Variants in CCSER1 observed in about 807,000 individuals in gnomAD.
CCSER1 encodes serine-rich coiled-coil domain-containing protein 1.
A neutral mutation model predicts 82.0 loss-of-function variants in CCSER1; 41 were observed. The ratio of observed to expected loss-of-function variants is 0.50; its 90% CI spans 0.39 to 0.65. The LOEUF is 0.65. CCSER1 is among the 30% of genes least tolerant of loss of function. The pLI is 0.00. For synonymous variants in CCSER1, 414 were observed against 383.9 expected (o/e 1.08, Z -0.92); for missense variants, 1,119 against 1,064.2 (o/e 1.05, Z -0.72).
intron 8 of CCSER1, among the ~76,000 whole-genome samples, chr4:90,855,608 A>T (rs1764373344): frequency 6.6e-6 from 1 of 152,152 alleles, no homozygotes; most frequent in Non-Finnish European, 1.5e-5. Context: ...ATTTACTTAA[A>T]ATTATTTTTT....
intron 1 of CCSER1, among the ~76,000 whole-genome samples, chr4:90,170,346 T>C (rs540425656): frequency 4.4e-4 from 67 of 151,924 alleles, no homozygotes; most frequent in Non-Finnish European, 8.1e-4. Context: ...CTGTTTTTGT[T>C]AAAGGAACCT....
In CCSER1 at chr4:90,535,160, T is replaced by A. The variant is rs140889663; in HGVS notation, c.1724+66806T>A. 5.8e-3 allele frequency among the ~76,000 whole-genome samples: 889 copies of A among 152,254 alleles called. 10 individuals are homozygous for A. The highest frequency in any genetic ancestry group is 0.021 in the African/African-American group (855 of 41,560). On this transcript the variant is annotated intron_variant, in intron 5 of 10. Coordinates refer to ENST00000509176, the MANE Select transcript of CCSER1 (RefSeq NM_001145065.2). ...TTTTAAATACATTATTAATATATTT[T>A]AAAAATAGATATCTAGAACCTATTA...
At chr4:90,236,849 G>A (rs1216164037) in intron 1 of CCSER1, among the ~76,000 whole-genome samples, 3 of 151,998 alleles carry the variant, frequency 2.0e-5, no homozygotes, top group East Asian at 3.8e-4. Context: ...TACTGTGTGT[G>A]TATATGTGTA....
chr4:91,529,402 G>A (rs751158424), intron 10 of CCSER1, among the ~76,000 whole-genome samples: 2 of 152,034 alleles, frequency 1.3e-5, no homozygotes, highest in African/African-American at 2.4e-5. Flanking sequence ...TAAGTTATCA[G>A]TTGTTTTTCA....
At chr4:90,194,435 G>A (rs1232984689) in intron 1 of CCSER1, among the ~76,000 whole-genome samples, 3 of 151,910 alleles carry the variant, frequency 2.0e-5, no homozygotes, top group Non-Finnish European at 4.4e-5. Context: ...TATCAGATAG[G>A]TACACTCTGT....
intron 3 of CCSER1, among the ~76,000 whole-genome samples, chr4:90,363,011 T>C (rs1745637491): frequency 6.6e-6 from 1 of 152,150 alleles, no homozygotes; most frequent in Non-Finnish European, 1.5e-5. Flanking sequence ...TTATTAAACA[T>C]TTAATGTTGT....
At chr4:91,561,443 T>C (rs1478493035) in intron 10 of CCSER1, among the ~76,000 whole-genome samples, 1 of 151,460 alleles carries the variant, frequency 6.6e-6, no homozygotes, top group Admixed American at 6.6e-5. Flanking sequence ...CAAGTCAAAA[T>C]TTACTTCCTT....
chr4:90,344,987 T>A (rs1006333163), intron 3 of CCSER1, among the ~76,000 whole-genome samples: 1 of 152,082 alleles, frequency 6.6e-6, no homozygotes, highest in Non-Finnish European at 1.5e-5. Flanking sequence ...AGCCAGACAG[T>A]CCTTGATTCC....
At chr4:91,091,473 T>C (rs1463457150) in intron 10 of CCSER1, among the ~76,000 whole-genome samples, 1 of 152,240 alleles carries the variant, frequency 6.6e-6, no homozygotes, top group East Asian at 1.9e-4. Context: ...ACCTGATATA[T>C]GCACTGAAAG....
chr4:90,787,179 T>C (rs2149640901), intron 7 of CCSER1, among the ~76,000 whole-genome samples: 1 of 152,266 alleles, frequency 6.6e-6, no homozygotes, highest in South Asian at 2.1e-4. Flanking sequence ...GAAGCATTCC[T>C]TCCTCCAGGA....
In CCSER1 at chr4:91,555,229, C is replaced by T; in HGVS notation, c.2218-43343C>T. On this transcript the variant is annotated intron_variant, in intron 10 of 10. Coordinates refer to ENST00000509176, the MANE Select transcript of CCSER1 (RefSeq NM_001145065.2). ...CTATTTTTCTCTTTGTAAATTGGCC[C>T]AGACTCACACTACCAAATTCAGCTT... is the stretch of plus-strand genomic sequence containing the variant. Among the ~76,000 whole-genome samples the T allele has an allele frequency of 1.3e-5, 2 of 150,998 alleles. 1 individual carries two copies. The highest frequency in any genetic ancestry group is 3.0e-5 in the Non-Finnish European group (2 of 67,496).
At chr4:90,287,900 C>T (rs1030164951) in intron 1 of CCSER1, among the ~76,000 whole-genome samples, 1 of 151,660 alleles carries the variant, frequency 6.6e-6, no homozygotes, top group African/African-American at 2.4e-5. Context: ...TTTCTTCTCC[C>T]AGTTAAAACA....
At chr4:90,483,266 C>G (rs193160271) in intron 5 of CCSER1, among the ~76,000 whole-genome samples, 5 of 152,260 alleles carry the variant, frequency 3.3e-5, no homozygotes, top group Non-Finnish European at 7.3e-5. Context: ...CTATGTGTGT[C>G]TCTGCACATG....
In CCSER1 at chr4:91,243,482, C is replaced by A. The variant is rs182726571; in HGVS notation, c.2217+157488C>A. On this transcript the variant is annotated intron_variant, in intron 10 of 10. Coordinates refer to ENST00000509176, the MANE Select transcript of CCSER1 (RefSeq NM_001145065.2). ...ATCCATCCATCAACTCCAGGCAGTC[C>A]AGCTCACAGCAATGAAAGTGACTCA... Among the ~76,000 whole-genome samples, 42 of 152,242 alleles carry A rather than the reference C, an allele frequency of 2.8e-4. No homozygotes were observed. The East Asian group carries it at 7.3e-3, about 27-fold the overall frequency.
intron 5 of CCSER1, among the ~76,000 whole-genome samples, chr4:90,521,104 ACACT>A (rs1773058986): frequency 6.6e-6 from 1 of 152,218 alleles, no homozygotes; most frequent in Non-Finnish European, 1.5e-5. Context: ...TGAAAAATAA[ACACT>A]CAATTTGCTT....
chr4:90,918,112 A>G, intron 8 of CCSER1: 1 of 232,966 alleles, frequency 4.3e-6, no homozygotes, highest in South Asian at 5.0e-5. Flanking sequence ...GCCTCAAGGT[A>G]CATATTCAGT....
intron 1 of CCSER1, among the ~76,000 whole-genome samples, chr4:90,285,205 A>C (rs1015431214): frequency 9.2e-5 from 14 of 151,988 alleles, no homozygotes; most frequent in Non-Finnish European, 1.8e-4. Flanking sequence ...TTTGATACAG[A>C]TTGCCTTGAA....
At chr4:90,410,320 G>C (rs1754514458) in intron 4 of CCSER1, among the ~76,000 whole-genome samples, 1 of 152,098 alleles carries the variant, frequency 6.6e-6, no homozygotes, top group African/African-American at 2.4e-5. Flanking sequence ...CAAATCAACA[G>C]AATATACATT....
chr4:90,730,902 G>A (rs1452203892), intron 7 of CCSER1, among the ~76,000 whole-genome samples: 1 of 152,090 alleles, frequency 6.6e-6, no homozygotes, highest in Non-Finnish European at 1.5e-5. Flanking sequence ...ATCATAAAAG[G>A]TCTAGTATGT....
Sources: allele counts gnomAD v4.1 joint callset (sites outside exome capture counted in the v4.1 genomes callset), GRCh38; gene constraint gnomAD v4.1.1; transcripts MANE v1.5; gene names NCBI Gene and HGNC (gene_info 2026-07-23, HGNC 2026-07-21).